The following ATP8A2 variants were observed in gnomAD, a reference collection of about 807,000 sequenced individuals.
The protein encoded by ATP8A2 is ATPase phospholipid transporting 8A2.
ATP8A2 carries 100 observed loss-of-function variants against 165.6 expected under a neutral mutation model. The observed-to-expected ratio is 0.60, with a 90% CI of 0.51 to 0.71. The LOEUF is 0.71. ATP8A2 is among the 30% of genes least tolerant of loss of function. The pLI, the probability that ATP8A2 is intolerant of heterozygous loss-of-function variation, is 0.00. For synonymous variants in ATP8A2, 543 were observed against 548.8 expected (o/e 0.99, Z 0.15); for missense variants, 1,227 against 1,479.5 (o/e 0.83, Z 2.80).
rs534645461 is a variant in ATP8A2 at position 25,648,523 on chromosome 13, G to A, written c.2212-50650G>A. Among the ~76,000 whole-genome samples the A allele has an allele frequency of 3.9e-5, 6 of 152,282 alleles. No individual in the cohort carries two copies. The South Asian group carries it at 1.0e-3, about 26-fold the overall frequency. On this transcript the variant is annotated intron_variant, in intron 24 of 36. Transcript: ENST00000381655. ...TACTAAAAATACAAAGATTAGCTGG[G>A]TGTGGTGGTGTGCACCTGTAGTCTC...
At chr13:25,626,448 G>T (rs752210742) in intron 24 of ATP8A2, among the ~76,000 whole-genome samples, 13 of 152,124 alleles carry the variant, frequency 8.5e-5, no homozygotes, top group Non-Finnish European at 1.3e-4. Context: ...GTCCCACCCT[G>T]ATGGCCTTGT....
intron 27 of ATP8A2, among the ~76,000 whole-genome samples, chr13:25,806,327 G>T (rs968866331): frequency 1.5e-4 from 23 of 152,028 alleles, no homozygotes; most frequent in Admixed American, 2.6e-4. Context: ...CATGATCTGT[G>T]GGTGGAGTTT....
Position 26,025,609 on chromosome 13 carries a change from T to G in ATP8A2, c.*5624T>G, listed in dbSNP as rs1204909663. The G allele has an allele frequency of 6.6e-6, 1 of 152,060 alleles. No individual in the cohort carries two copies. The highest frequency in any genetic ancestry group is 1.5e-5 in the Non-Finnish European group (1 of 68,036). The allele number at this position is 152,060 out of a possible 1,614,324, so 9.4% of individuals were successfully genotyped here. ...GGGGGTGCTTCTATGGTGTGTGGGG[T>G]TTTTTGTTGCCTCCCTCTAGAAGTG... is the stretch of plus-strand genomic sequence containing the variant. On this transcript the variant is annotated 3_prime_UTR_variant, in exon 37 of 37. Transcript: ENST00000381655.
intron 25 of ATP8A2, among the ~76,000 whole-genome samples, chr13:25,724,396 G>T (rs2043450043): frequency 6.6e-6 from 1 of 152,184 alleles, no homozygotes; most frequent in Non-Finnish European, 1.5e-5. Context: ...TGAACAGGCA[G>T]GGAGAGGCTG....
chr13:25,792,320 C>T (rs1002248874), intron 27 of ATP8A2, among the ~76,000 whole-genome samples: 27 of 152,164 alleles, frequency 1.8e-4, no homozygotes, highest in African/African-American at 4.8e-4. Context: ...GTTTTGTCAT[C>T]CATATGTAAC....
At chr13:25,540,542 G>A (rs2038439617) in intron 8 of ATP8A2, among the ~76,000 whole-genome samples, 154 bp downstream of exon 8, 1 of 152,192 alleles carries the variant, frequency 6.6e-6, no homozygotes, top group South Asian at 2.1e-4. Context: ...CATTTATGAT[G>A]AGAGAGAATG....
chr13:25,596,347 T>G (rs1323326434), intron 24 of ATP8A2, among the ~76,000 whole-genome samples: 6 of 152,204 alleles, frequency 3.9e-5, no homozygotes, highest in Middle Eastern at 3.2e-3. Context: ...CAATTTTAAG[T>G]GTACATGGTG....
At chr13:25,583,393 C>A (rs1408199027) in intron 23 of ATP8A2, among the ~76,000 whole-genome samples, 2 of 152,062 alleles carry the variant, frequency 1.3e-5, no homozygotes. Context: ...AGTGGATAAC[C>A]CCTCAAGTTA....
At chr13:25,829,520 T>C (rs1042851475) in intron 28 of ATP8A2, among the ~76,000 whole-genome samples, 9 of 151,444 alleles carry the variant, frequency 5.9e-5, no homozygotes, top group Non-Finnish European at 1.0e-4. Context: ...CGGGGAAATA[T>C]GCAGAATGCT....
intron 1 of ATP8A2, among the ~76,000 whole-genome samples, chr13:25,411,694 T>C (rs772654325): frequency 6.6e-6 from 1 of 152,192 alleles, no homozygotes; most frequent in Non-Finnish European, 1.5e-5. Context: ...TTTATTTGTG[T>C]ACACATACAT....
At chr13:25,532,465 C>G (rs1429260597) in intron 5 of ATP8A2, 148 bp downstream of exon 5, 1 of 594,672 alleles carries the variant, frequency 1.7e-6, no homozygotes, top group Non-Finnish European at 2.9e-6. Flanking sequence ...AACAAACAAA[C>G]TGAACATAAT....
At chr13:25,597,665 A>AAG (rs1414736331) in intron 24 of ATP8A2, among the ~76,000 whole-genome samples, 4 of 152,210 alleles carry the variant, frequency 2.6e-5, no homozygotes, top group African/African-American at 9.6e-5. Context: ...GTGAGACTCC[A>AAG]GCTTAGCCAA....
chr13:25,536,592 T>C, intron 6 of ATP8A2, among the ~76,000 whole-genome samples: 1 of 152,166 alleles, frequency 6.6e-6, no homozygotes, highest in East Asian at 1.9e-4. Flanking sequence ...AAATTAAACA[T>C]GGGCACCTGC....
intron 33 of ATP8A2, among the ~76,000 whole-genome samples, chr13:25,891,126 C>T (rs1414141457): frequency 1.3e-5 from 2 of 152,154 alleles, no homozygotes; most frequent in African/African-American, 2.4e-5. Flanking sequence ...CTACATTGTC[C>T]CCTAAGATTT....
intron 24 of ATP8A2, among the ~76,000 whole-genome samples, chr13:25,690,795 G>T: frequency 6.6e-6 from 1 of 152,124 alleles, no homozygotes; most frequent in East Asian, 1.9e-4. Context: ...ACATGCACTT[G>T]CTCTGTTTGT....
chr13:25,710,407 C>T (rs1343660039), intron 25 of ATP8A2, among the ~76,000 whole-genome samples: 1 of 152,198 alleles, frequency 6.6e-6, no homozygotes, highest in Non-Finnish European at 1.5e-5. Context: ...TAGCCAACCC[C>T]TCTGTATCTC....
At chr13:25,926,990 T>C (rs1954624595) in intron 33 of ATP8A2, 1 of 374,850 alleles carries the variant, frequency 2.7e-6, no homozygotes, top group Admixed American at 2.8e-5. Context: ...CAAGGCACTT[T>C]CCCTGCATCC....
Position 26,020,099 on chromosome 13 carries a change from T to C in ATP8A2, c.*114T>C, listed in dbSNP as rs1957061052. The C allele has an allele frequency of 2.6e-6, 2 of 763,114 alleles. No individual in the cohort carries two copies. The highest frequency in any genetic ancestry group is 3.3e-5 in the South Asian group (2 of 60,340). 47.3% of individuals were successfully genotyped at this position (763,114 alleles called of 1,614,324 possible). ...AGCAGCCAAAACACCAGGAAACACATTTCTGTGGCCTTAGCCAAGCAGTTT... is the reference window on the plus strand; with the variant it reads ...AGCAGCCAAAACACCAGGAAACACACTTCTGTGGCCTTAGCCAAGCAGTTT... On this transcript the variant is annotated 3_prime_UTR_variant, in exon 37 of 37. Transcript: ENST00000381655.
At chr13:25,743,729 G>T (rs554064644) in intron 25 of ATP8A2, among the ~76,000 whole-genome samples, 16 of 152,228 alleles carry the variant, frequency 1.1e-4, no homozygotes, top group African/African-American at 1.7e-4. Flanking sequence ...ACAGTGATTT[G>T]TTCTAGAGCT....
Sources: allele counts gnomAD v4.1 joint callset (sites outside exome capture counted in the v4.1 genomes callset), GRCh38; gene constraint gnomAD v4.1.1; transcripts MANE v1.5; gene names NCBI Gene and HGNC (gene_info 2026-07-23, HGNC 2026-07-21).